Variants in NR1H4 observed in about 807,000 individuals in gnomAD.
The protein encoded by NR1H4 is nuclear receptor subfamily 1 group H member 4.
NR1H4 carries 23 observed loss-of-function variants against 58.5 expected under a neutral mutation model. The ratio of observed to expected loss-of-function variants is 0.39; its 90% CI spans 0.28 to 0.56. NR1H4 has a LOEUF of 0.56. Ranked by LOEUF, NR1H4 falls within the 20% of genes least tolerant of loss-of-function variation. The pLI, the probability that NR1H4 is intolerant of heterozygous loss-of-function variation, is 0.58. For synonymous variants in NR1H4, 214 were observed against 198.0 expected (o/e 1.08, Z -0.68); for missense variants, 487 against 576.9 (o/e 0.84, Z 1.60).
At chr12:100,505,470 A>G (rs1953937829) in intron 3 of NR1H4, 1 of 624,206 alleles carries the variant, frequency 1.6e-6, no homozygotes, top group East Asian at 2.8e-5. Flanking sequence ...TGGTAGGTAC[A>G]GAACCCTTCT....
chr12:100,546,438 G>A (rs564700988), intron 9 of NR1H4, among the ~76,000 whole-genome samples: 294 of 152,180 alleles, frequency 1.9e-3, no homozygotes, highest in African/African-American at 6.7e-3. Context: ...GCTCATGCTT[G>A]TAATCCCAGC....
intron 3 of NR1H4, among the ~76,000 whole-genome samples, chr12:100,501,376 C>T (rs573283268): frequency 6.6e-6 from 1 of 151,976 alleles, no homozygotes; most frequent in Non-Finnish European, 1.5e-5. Flanking sequence ...TGACCCCGAT[C>T]AAGCAATTCA....
chr12:100,543,168 CAGGG>C (rs1954976916), intron 9 of NR1H4, among the ~76,000 whole-genome samples: 1 of 152,024 alleles, frequency 6.6e-6, no homozygotes, highest in South Asian at 2.1e-4. Context: ...CAAGAAAGCT[CAGGG>C]AATGCACACA....
chr12:100,541,517 A>G (rs1363612571), intron 9 of NR1H4, among the ~76,000 whole-genome samples: 1 of 152,080 alleles, frequency 6.6e-6, no homozygotes, highest in African/African-American at 2.4e-5. Flanking sequence ...CTTGGTCTCA[A>G]GCGATCAGCC....
intron 1 of NR1H4, among the ~76,000 whole-genome samples, chr12:100,489,261 C>A (rs1410654624): frequency 1.3e-5 from 2 of 152,190 alleles, no homozygotes; most frequent in African/African-American, 4.8e-5. Context: ...TAGTTTACCT[C>A]TAACACTACT....
In NR1H4 at chr12:100,510,821, G is replaced by A. The variant is rs758289143; in HGVS notation, c.123G>A (p.Leu41=). 7 of 1,614,016 alleles carry A rather than the reference G, an allele frequency of 4.3e-6. No homozygotes were observed. The highest frequency in any genetic ancestry group is 1.7e-5 in the Admixed American group (1 of 59,994). The change falls in exon 4 of 11, where the codon CTG becomes CTA. Residue 41 remains leucine (L), a synonymous_variant. Transcript: ENST00000392986. ...EQVAGPLGQN[L]EVEPYSQYSN... ...TGGCAGGTCCTCTGGGACAGAACCT[G>A]GAAGTGGAACCATACTCGCAATACA...
chr12:100,505,850 T>G, intron 3 of NR1H4: 1 of 422,990 alleles, frequency 2.4e-6, no homozygotes, highest in Admixed American at 3.9e-5. Context: ...AATGTTGTAT[T>G]TGTTTACTTG....
intron 1 of NR1H4, among the ~76,000 whole-genome samples, chr12:100,485,957 C>G (rs1040990725): frequency 6.6e-6 from 1 of 152,118 alleles, no homozygotes; most frequent in African/African-American, 2.4e-5. Context: ...GGACATTATG[C>G]TGTTTCCAAT....
At chr12:100,526,135 G>T (rs1241011208) in intron 4 of NR1H4, among the ~76,000 whole-genome samples, 10 of 147,182 alleles carry the variant, frequency 6.8e-5, no homozygotes, top group Non-Finnish European at 1.2e-4. Flanking sequence ...GGTTTCACTG[G>T]TTTTTCTCTA....
intron 1 of NR1H4, among the ~76,000 whole-genome samples, chr12:100,490,193 G>C (rs1482475061): frequency 6.6e-6 from 1 of 152,184 alleles, no homozygotes; most frequent in African/African-American, 2.4e-5. Context: ...TGTATGCCAG[G>C]CCCTTAATTT....
intron 9 of NR1H4, among the ~76,000 whole-genome samples, chr12:100,559,394 C>A (rs573521650): frequency 3.9e-5 from 6 of 152,182 alleles, no homozygotes; most frequent in Non-Finnish European, 8.8e-5. Context: ...GAGACGCGAG[C>A]GGGAACCGGG....
intron 4 of NR1H4, among the ~76,000 whole-genome samples, chr12:100,529,866 C>T (rs1024231332): frequency 6.6e-6 from 1 of 152,166 alleles, no homozygotes; most frequent in Admixed American, 6.5e-5. Flanking sequence ...TTTTTAAGTG[C>T]CTTCTGCTGG....
At chr12:100,516,746 T>C (rs563786094) in intron 4 of NR1H4, among the ~76,000 whole-genome samples, 2 of 152,334 alleles carry the variant, frequency 1.3e-5, no homozygotes, top group East Asian at 3.9e-4. Flanking sequence ...GTAGGAATTA[T>C]TGTGTCTATT....
rs552558385 is a variant in NR1H4, at chr12:100,544,113, G to A, written c.1078+3295G>A. Among the ~76,000 whole-genome samples, 19 of 152,052 alleles carry A rather than the reference G, an allele frequency of 1.2e-4. No homozygotes were observed. The East Asian group carries it at 2.1e-3, about 17-fold the overall frequency. On this transcript the variant is annotated intron_variant, in intron 9 of 10. Coordinates refer to ENST00000392986, the MANE Select transcript of NR1H4 (RefSeq NM_001206979.2). ...TAAAAATACAAACAATTAGTCAGGC[G>A]TGGTGGCGGGTGCCTGTAGTCCCAG...
intron 1 of NR1H4, among the ~76,000 whole-genome samples, chr12:100,480,282 A>C (rs1276087691): frequency 1.3e-5 from 2 of 152,280 alleles, no homozygotes; most frequent in Middle Eastern, 6.8e-3. Context: ...ATTTTTTACT[A>C]TGTCTAGTGT....
At chr12:100,512,835 A>C (rs1452358969) in intron 4 of NR1H4, among the ~76,000 whole-genome samples, 1 of 152,214 alleles carries the variant, frequency 6.6e-6, no homozygotes, top group Admixed American at 6.5e-5. Context: ...GGTGTGACAC[A>C]CTGGGGTTCC....
intron 4 of NR1H4, 51 bp from the exon 5 acceptor site, chr12:100,532,407 C>G: frequency 6.3e-7 from 1 of 1,598,868 alleles, no homozygotes; most frequent in South Asian, 1.1e-5. Flanking sequence ...CTGTTTTTTT[C>G]CTGAGAAGCT....
chr12:100,537,587 G>T (rs924315914), intron 8 of NR1H4, among the ~76,000 whole-genome samples: 100 of 152,234 alleles, frequency 6.6e-4, no homozygotes, highest in African/African-American at 2.4e-3. Context: ...TGCTAATTGT[G>T]TCTAGGAAAG....
At chr12:100,527,576 G>T (rs918758817) in intron 4 of NR1H4, among the ~76,000 whole-genome samples, 4 of 152,082 alleles carry the variant, frequency 2.6e-5, no homozygotes, top group African/African-American at 7.2e-5. Flanking sequence ...GCTTATCAAG[G>T]TTCACATCTA....
Sources: allele counts gnomAD v4.1 joint callset (sites outside exome capture counted in the v4.1 genomes callset), GRCh38; gene constraint gnomAD v4.1.1; transcripts MANE v1.5; gene names NCBI Gene and HGNC (gene_info 2026-07-23, HGNC 2026-07-21).